The following ABLIM1 variants were observed in gnomAD, a reference collection of about 807,000 sequenced individuals.
ABLIM1 encodes actin binding LIM protein 1, also known as actin-binding LIM protein 1.
ABLIM1 carries 40 observed loss-of-function variants against 107.0 expected under a neutral mutation model. The ratio of observed to expected loss-of-function variants is 0.37; its 90% CI spans 0.29 to 0.49. The LOEUF (loss-of-function observed/expected upper bound fraction) is 0.49, where lower values mean the gene tolerates loss of function less well. ABLIM1 is among the 20% of genes least tolerant of loss of function. The probability of loss-of-function intolerance (pLI) is 0.97; values close to 1 mark genes in which losing one functional copy is unlikely to be tolerated. For missense variants in ABLIM1, 857 were observed against 1,008.5 expected, an observed-to-expected ratio of 0.85 and a Z score of 2.04; for synonymous variants, 357 against 357.3, an observed-to-expected ratio of 1.00 and a Z score of 0.01.
intron 1 of ABLIM1, among the ~76,000 whole-genome samples, chr10:114,755,474 G>A (rs549982630): frequency 3.0e-4 from 46 of 152,302 alleles, no homozygotes; most frequent in African/African-American, 1.0e-3. Context: ...TCTCTGAGGC[G>A]GGGACTATAC....
rs2082071762 is a variant in ABLIM1, at chr10:114,731,449, T to C, written c.-213+36612A>G. Among the ~76,000 whole-genome samples the C allele has an allele frequency of 2.7e-5, 4 of 147,806 alleles. No individual in the cohort carries two copies. The Admixed American group carries it at 2.7e-4, about 10-fold the overall frequency. ...GAGCCACCATGCCTAGACATGTTTG[T>C]TTGTTTGTTTGTTTGTTTGTTCATT... On this transcript the variant is annotated intron_variant, in intron 1 of 15. Transcript: ENST00000651092.
At chr10:114,621,784 G>A (rs550174693) in intron 1 of ABLIM1, among the ~76,000 whole-genome samples, 1 of 152,134 alleles carries the variant, frequency 6.6e-6, no homozygotes, top group Non-Finnish European at 1.5e-5. Context: ...AGTTATTCTC[G>A]AAGTGCCTCA....
chr10:114,578,971 G>C (rs1030400488), intron 2 of ABLIM1, among the ~76,000 whole-genome samples: 1 of 151,656 alleles, frequency 6.6e-6, no homozygotes, highest in African/African-American at 2.4e-5. Context: ...ATTTTTAGTA[G>C]AGATGGGGTT....
At chr10:114,781,713 C>T in the ABLIM1 span, among the ~76,000 whole-genome samples, 1 of 147,594 alleles carries the variant, frequency 6.8e-6, no homozygotes, top group Non-Finnish European at 1.5e-5. Flanking sequence ...CTTCTACTTG[C>T]CCTAGGTGCT....
Position 114,601,708 on chromosome 10 carries a change from C to A in ABLIM1, c.379+119G>T, listed in dbSNP as rs780194929. On this transcript the variant is annotated intron_variant, in intron 2 of 22. Coordinates refer to ENST00000533213, the MANE Select transcript of ABLIM1 (RefSeq NM_002313.7). Reference sequence around the variant, plus strand: ...AAACTGGCAGTAAATGATGTCAGGGCTTCTGAGAGCATTCGCTTATCATCC... The same window carrying A: ...AAACTGGCAGTAAATGATGTCAGGGATTCTGAGAGCATTCGCTTATCATCC... The A allele has an allele frequency of 1.5e-5, 22 of 1,497,948 alleles. No homozygotes were observed. The South Asian group carries it at 2.4e-4, about 16-fold the overall frequency. The allele number at this position is 1,497,948 out of a possible 1,614,324, so 92.8% of individuals were successfully genotyped here. A position where few individuals can be genotyped will look rare whatever the true frequency, so the allele number is the denominator to read the frequency against.
At chr10:114,575,356 C>T (rs143644572) in intron 3 of ABLIM1, 60 bp downstream of exon 3, 1 of 1,578,850 alleles carries the variant, frequency 6.3e-7, no homozygotes, top group East Asian at 2.2e-5. Context: ...CTTTAACAGC[C>T]CAAACCAGCA....
At chr10:114,686,656 T>A (rs1219854626), upstream of ABLIM1, among the ~76,000 whole-genome samples, 1 of 152,026 alleles carries the variant, frequency 6.6e-6, no homozygotes, top group East Asian at 1.9e-4. Flanking sequence ...TGAGATAGAG[T>A]CTCACTCTGT....
chr10:114,461,316 C>A (rs1348323501), intron 12 of ABLIM1, among the ~76,000 whole-genome samples: 2 of 151,544 alleles, frequency 1.3e-5, no homozygotes, highest in Non-Finnish European at 2.9e-5. Flanking sequence ...ATCTGCCCAC[C>A]TCAGCAGAAA....
intron 8 of ABLIM1, chr10:114,485,164 T>G: frequency 1.8e-6 from 1 of 567,606 alleles, no homozygotes; most frequent in Non-Finnish European, 2.9e-6. Flanking sequence ...GAGAGGCGCT[T>G]GTGGTGTGAG....
chr10:114,460,503 A>G (rs1316803004), intron 12 of ABLIM1, among the ~76,000 whole-genome samples: 7 of 152,220 alleles, frequency 4.6e-5, no homozygotes, highest in Non-Finnish European at 1.0e-4. Context: ...CAGGAGGCCG[A>G]GGCAGAAGAA....
chr10:114,730,289 T>A (rs1191146662), intron 1 of ABLIM1, among the ~76,000 whole-genome samples: 2 of 149,718 alleles, frequency 1.3e-5, no homozygotes, highest in Non-Finnish European at 2.9e-5. Flanking sequence ...TCCCAGCTAC[T>A]CAGGAGGCTG....
At chr10:114,595,438 T>C (rs965941807) in intron 2 of ABLIM1, among the ~76,000 whole-genome samples, 2 of 152,062 alleles carry the variant, frequency 1.3e-5, no homozygotes, top group African/African-American at 4.8e-5. Context: ...CAGCGTAAAA[T>C]ACAACCATGA....
At chr10:114,782,772 G>A in the ABLIM1 span, among the ~76,000 whole-genome samples, 5 of 152,176 alleles carry the variant, frequency 3.3e-5, no homozygotes, top group Admixed American at 6.5e-5. Context: ...AAAGATGATG[G>A]TAGCCCAAAA....
Position 114,508,691 on chromosome 10 carries a change from C to T in ABLIM1, c.895-16813G>A, listed in dbSNP as rs906418340. 2.6e-5 allele frequency among the ~76,000 whole-genome samples: 4 copies of T among 152,148 alleles called. No homozygotes were observed. In the East Asian group the frequency reaches 5.8e-4, roughly 22 times the overall value. ...GCAACAAAGTGAGACCTTGACTTTA[C>T]GTTCCCACAAAAATATTTTTAAAAA... On this transcript the variant is annotated intron_variant, in intron 6 of 22. Transcript: ENST00000533213.
At chr10:114,549,248 G>A (rs2067743874) in intron 4 of ABLIM1, among the ~76,000 whole-genome samples, 1 of 152,280 alleles carries the variant, frequency 6.6e-6, no homozygotes, top group African/African-American at 2.4e-5. Flanking sequence ...GCCGGGCATG[G>A]TGGTGCACGC....
At chr10:114,490,596 AC>A (rs912851197) in intron 7 of ABLIM1, among the ~76,000 whole-genome samples, 3 of 152,010 alleles carry the variant, frequency 2.0e-5, no homozygotes, top group East Asian at 1.9e-4. Context: ...TTATTAATAA[AC>A]CCTTGTTTGA....
chr10:114,561,594 C>A (rs985249086), intron 4 of ABLIM1, among the ~76,000 whole-genome samples: 1 of 152,162 alleles, frequency 6.6e-6, no homozygotes, highest in African/African-American at 2.4e-5. Flanking sequence ...CTTCCAGGAA[C>A]AATCTGTATA....
intron 6 of ABLIM1, among the ~76,000 whole-genome samples, chr10:114,519,569 C>A (rs1317215417): frequency 6.6e-6 from 1 of 152,156 alleles, no homozygotes; most frequent in African/African-American, 2.4e-5. Context: ...AAATTGCAAA[C>A]CACAAGACAT....
At chr10:114,693,701 T>A (rs1316613650) in intron 1 of ABLIM1, among the ~76,000 whole-genome samples, 1 of 151,900 alleles carries the variant, frequency 6.6e-6, no homozygotes, top group African/African-American at 2.4e-5. Flanking sequence ...CAGGCTGGAG[T>A]GCAGTTGCAT....
Sources: allele counts gnomAD v4.1 joint callset (sites outside exome capture counted in the v4.1 genomes callset), GRCh38; gene constraint gnomAD v4.1.1; transcripts MANE v1.5; gene names NCBI Gene and HGNC (gene_info 2026-07-23, HGNC 2026-07-21).